Variants in CACNA1E observed in about 807,000 individuals in gnomAD.
The protein encoded by CACNA1E is calcium voltage-gated channel subunit alpha1 E.
A neutral mutation model predicts 259.2 loss-of-function variants in CACNA1E; 40 were observed. That is an observed-to-expected ratio of 0.15 (90% CI 0.12 to 0.20). The LOEUF (loss-of-function observed/expected upper bound fraction) is 0.20. Ranked by LOEUF, CACNA1E falls within the 10% of genes least tolerant of loss-of-function variation. CACNA1E has a pLI of 1.00. For missense variants in CACNA1E, 1,874 were observed against 3,040.1 expected (o/e 0.62, Z 9.02); for synonymous variants, 1,104 against 1,138.5 (o/e 0.97, Z 0.61).
chr1:181,414,209 G>A (rs1323150087), intron 2 of CACNA1E, among the ~76,000 whole-genome samples: 1 of 152,172 alleles, frequency 6.6e-6, no homozygotes, highest in East Asian at 1.9e-4. Context: ...GTTGCCCCAG[G>A]TTTTTGCTCC....
intron 7 of CACNA1E, among the ~76,000 whole-genome samples, chr1:181,664,442 T>A (rs1055565910): frequency 9.2e-5 from 14 of 152,194 alleles, no homozygotes; most frequent in African/African-American, 3.1e-4. Context: ...GTAATCTATA[T>A]TTTATGTAAT....
intron 6 of CACNA1E, among the ~76,000 whole-genome samples, chr1:181,648,895 TG>T: frequency 6.6e-6 from 1 of 152,326 alleles, no homozygotes; most frequent in South Asian, 2.1e-4. Flanking sequence ...GTTGGGGTGC[TG>T]GGGGGTTTGG....
chr1:181,738,751 G>C (rs1430138213), intron 24 of CACNA1E, among the ~76,000 whole-genome samples: 2 of 152,234 alleles, frequency 1.3e-5, no homozygotes, highest in Admixed American at 1.3e-4. Context: ...AAGGCAAAGG[G>C]CTAGGTAGAG....
chr1:181,337,681 AT>A (rs1190023143), intron 1 of CACNA1E, among the ~76,000 whole-genome samples: 2 of 152,188 alleles, frequency 1.3e-5, no homozygotes, highest in African/African-American at 4.8e-5. Context: ...GTTGTCTAAA[AT>A]GAGAGTATCT....
In CACNA1E at chr1:181,767,573, G is replaced by A. The variant is rs187635627; in HGVS notation, c.4881+962G>A. 3.9e-5 allele frequency among the ~76,000 whole-genome samples: 6 copies of A among 152,330 alleles called. No individual in the cohort carries two copies. In the East Asian group the frequency reaches 1.2e-3, roughly 29 times the overall value. ...TGCTGGAGTGTCCCAGCCTTGCTGT[G>A]TCTGCAGCCTTTTCCAGACCCTTTC... is the stretch of plus-strand genomic sequence containing the variant. On this transcript the variant is annotated intron_variant, in intron 35 of 47. Coordinates refer to ENST00000367573, the MANE Select transcript of CACNA1E (RefSeq NM_001205293.3).
chr1:181,495,455 G>A (rs1426146935), intron 1 of CACNA1E, among the ~76,000 whole-genome samples: 1 of 152,200 alleles, frequency 6.6e-6, no homozygotes, highest in African/African-American at 2.4e-5. Flanking sequence ...GGTCAGATGA[G>A]ATAATACATG....
intron 6 of CACNA1E, among the ~76,000 whole-genome samples, chr1:181,615,364 A>AT (rs1655114796): frequency 6.6e-6 from 1 of 151,814 alleles, no homozygotes; most frequent in Admixed American, 6.6e-5. Flanking sequence ...TAATTTTTGT[A>AT]TTTTTAGTCG....
At chr1:181,532,659 C>T (rs1273781110) in intron 3 of CACNA1E, among the ~76,000 whole-genome samples, 5 of 152,196 alleles carry the variant, frequency 3.3e-5, no homozygotes, top group Non-Finnish European at 7.3e-5. Context: ...GAAGCTTTCC[C>T]CTTTAAGCCA....
intron 18 of CACNA1E, among the ~76,000 whole-genome samples, chr1:181,728,359 G>A (rs539730575): frequency 5.3e-5 from 8 of 152,344 alleles, no homozygotes; most frequent in Non-Finnish European, 7.3e-5. Flanking sequence ...AGGCAGGGCC[G>A]TGGGAATTGA....
intron 1 of CACNA1E, among the ~76,000 whole-genome samples, chr1:181,500,737 A>G (rs1203066569): frequency 6.6e-6 from 1 of 152,178 alleles, no homozygotes; most frequent in Non-Finnish European, 1.5e-5. Flanking sequence ...GAGTATCCCT[A>G]GTTCTTTCAA....
chr1:181,370,383 T>C (rs1654597422), intron 1 of CACNA1E, among the ~76,000 whole-genome samples: 1 of 151,560 alleles, frequency 6.6e-6, no homozygotes, highest in East Asian at 2.0e-4. Flanking sequence ...GATTTCTTCA[T>C]GCCCAGGTAG....
intron 2 of CACNA1E, among the ~76,000 whole-genome samples, chr1:181,424,191 C>G (rs530759906): frequency 6.6e-6 from 1 of 152,204 alleles, no homozygotes; most frequent in South Asian, 2.1e-4. Context: ...CAAGAAGAGA[C>G]CGGAGCACAT....
At chr1:181,596,778 G>T (rs1653219690) in intron 6 of CACNA1E, among the ~76,000 whole-genome samples, 1 of 152,134 alleles carries the variant, frequency 6.6e-6, no homozygotes, top group Non-Finnish European at 1.5e-5. Context: ...AGATAAAGTA[G>T]AAAGAACAAG....
intron 21 of CACNA1E, among the ~76,000 whole-genome samples, chr1:181,734,113 C>T (rs1212313781): frequency 6.6e-6 from 1 of 152,084 alleles, no homozygotes; most frequent in Admixed American, 6.5e-5. Flanking sequence ...GTTAGGGAGC[C>T]TCTGATGGAG....
In CACNA1E at chr1:181,667,710, A is replaced by G. The variant is rs74127818; in HGVS notation, c.1055+16269A>G. Among the ~76,000 whole-genome samples the G allele has an allele frequency of 6.3e-3, 953 of 152,316 alleles. 8 individuals are homozygous for G. Among genetic ancestry groups the G allele is most frequent in the African/African-American group, 0.022 (916 of 41,574 alleles). On this transcript the variant is annotated intron_variant, in intron 7 of 47. Transcript: ENST00000367573. ...AAAGACATACCAGAAACATCACATCATAGAGGATGAAGAAGTACAGGGTTT... is the reference window on the plus strand; with the variant it reads ...AAAGACATACCAGAAACATCACATCGTAGAGGATGAAGAAGTACAGGGTTT...
Position 181,378,815 on chromosome 1 carries a change from C to G in CACNA1E, c.-14-34318C>G, listed in dbSNP as rs1463190205. Among the ~76,000 whole-genome samples, 3 of 152,330 alleles carry G rather than the reference C, an allele frequency of 2.0e-5. No individual in the cohort carries two copies. The South Asian group carries it at 6.2e-4, about 32-fold the overall frequency. On this transcript the variant is annotated intron_variant, in intron 1 of 11. Coordinates refer to the CACNA1E transcript ENST00000524607. Reference sequence around the variant, plus strand: ...AAAACTATGTCTAGAGCAAACATCACTCTGATTCTGCAAAACAAAATTTAA... The same window carrying G: ...AAAACTATGTCTAGAGCAAACATCAGTCTGATTCTGCAAAACAAAATTTAA...
At chr1:181,681,314 C>G (rs1483715944) in intron 7 of CACNA1E, among the ~76,000 whole-genome samples, 1 of 152,216 alleles carries the variant, frequency 6.6e-6, no homozygotes, top group Admixed American at 6.5e-5. Flanking sequence ...AAATGAAGTA[C>G]TTCAAGCTTA....
chr1:181,721,913 C>T, intron 16 of CACNA1E, 38 bp downstream of exon 16: 1 of 1,305,410 alleles, frequency 7.7e-7, no homozygotes, highest in Admixed American at 1.7e-5. Flanking sequence ...AGCTGCCTGC[C>T]TTCCTGGACC....
At chr1:181,390,601 A>T (rs1009885550) in intron 1 of CACNA1E, among the ~76,000 whole-genome samples, 1 of 152,108 alleles carries the variant, frequency 6.6e-6, no homozygotes, top group Non-Finnish European at 1.5e-5. Context: ...GAGGGCTCAG[A>T]GTGGTTGCTG....
Sources: gnomAD v4.1 joint callset for allele counts (sites outside exome capture counted in the v4.1 genomes callset) on GRCh38, gnomAD v4.1.1 for gene constraint, MANE v1.5 for transcripts, NCBI Gene and HGNC (gene_info 2026-07-23, HGNC 2026-07-21) for gene names.